The following AP3S1 variants were observed in gnomAD, a reference collection of about 807,000 sequenced individuals.
AP3S1 encodes the protein adaptor related protein complex 3 subunit sigma 1.
In AP3S1, 12 loss-of-function variants were observed where a neutral mutation model predicts 21.3. The observed-to-expected ratio is 0.56, with a 90% CI of 0.36 to 0.91. The LOEUF (loss-of-function observed/expected upper bound fraction) is 0.91. Among genes scored for constraint, AP3S1 ranks in the 40% least tolerant of loss-of-function variants. The probability of loss-of-function intolerance (pLI) is 0.01; values close to 1 mark genes in which losing one functional copy is unlikely to be tolerated. For synonymous variants in AP3S1, 48 were observed against 78.4 expected (o/e 0.61, Z 2.05); for missense variants, 116 against 225.0 (o/e 0.52, Z 3.10).
At chr5:115,877,090 T>C (rs1748787863) in intron 3 of AP3S1, among the ~76,000 whole-genome samples, 1 of 152,194 alleles carries the variant, frequency 6.6e-6, no homozygotes, top group African/African-American at 2.4e-5. Context: ...AAAAGAATTA[T>C]TAATATTTAT....
intron 3 of AP3S1, 48 bp from the exon 4 acceptor site, chr5:115,895,039 T>A: frequency 7.6e-7 from 1 of 1,312,010 alleles, no homozygotes; most frequent in Non-Finnish European, 1.1e-6. Context: ...AGATAATAGT[T>A]TTGAATAAAT....
At chr5:115,876,806 T>A (rs1417510102) in intron 3 of AP3S1, among the ~76,000 whole-genome samples, 1 of 152,172 alleles carries the variant, frequency 6.6e-6, no homozygotes, top group Admixed American at 6.6e-5. Context: ...TCTTAATGAT[T>A]TAGATTGTGC....
chr5:115,884,547 C>T (rs1749608000), intron 3 of AP3S1, among the ~76,000 whole-genome samples: 1 of 152,278 alleles, frequency 6.6e-6, no homozygotes, highest in South Asian at 2.1e-4. Context: ...TGTACTCCAG[C>T]CTGGGTGACA....
Position 115,856,162 on chromosome 5 carries a change from G to A in AP3S1, c.70-10508G>A, listed in dbSNP as rs190853152. 2.5e-3 allele frequency among the ~76,000 whole-genome samples: 380 copies of A among 152,194 alleles called. 3 individuals are homozygous for A. Among genetic ancestry groups the A allele is most frequent in the African/African-American group, 8.6e-3 (359 of 41,526 alleles). On this transcript the variant is annotated intron_variant, in intron 1 of 5. Transcript: ENST00000316788. ...GTGAAACTATAGTGTTAGGAAATCT[G>A]ATCAGCCTGAAGCAAGTTCTAGGCT...
At chr5:115,875,140 TG>T (rs1328106117) in intron 3 of AP3S1, among the ~76,000 whole-genome samples, 3 of 152,106 alleles carry the variant, frequency 2.0e-5, no homozygotes, top group East Asian at 1.9e-4. Context: ...GAAGTAAATA[TG>T]TTTTTTTTTA....
chr5:115,887,174 TG>T (rs1749861696), intron 3 of AP3S1, among the ~76,000 whole-genome samples: 2 of 152,212 alleles, frequency 1.3e-5, no homozygotes. Flanking sequence ...CTAGCTCTGC[TG>T]GTACATTCAA....
Position 115,866,715 on chromosome 5 carries a change from G to C in AP3S1, c.115G>C (p.Val39Leu). Residue 39 changes from valine to leucine, a missense_variant, in exon 2 of 6, where the codon GTA becomes CTA. By Grantham distance (32) the Val-to-Leu change is conservative. Coordinates refer to ENST00000316788, the MANE Select transcript of AP3S1 (RefSeq NM_001284.4). ...AATCATCAGGGAGACTTTCCATTTG[G>C]TATCTAAGAGAGATGAAAATGTTTG... ...QQIIRETFHL[V>L]SKRDENVCNF... 1 of 1,605,068 alleles carries C rather than the reference G, an allele frequency of 6.2e-7. No homozygotes were observed. The highest frequency in any genetic ancestry group is 2.3e-5 in the East Asian group (1 of 44,376).
intron 3 of AP3S1, among the ~76,000 whole-genome samples, chr5:115,888,339 C>T (rs1327358450): frequency 6.6e-6 from 1 of 151,566 alleles, no homozygotes; most frequent in East Asian, 1.9e-4. Flanking sequence ...TCTAATTTTT[C>T]CCCCTTAATT....
In AP3S1 at chr5:115,858,924, A is replaced by T. The variant is rs578229611; in HGVS notation, c.70-7746A>T. On this transcript the variant is annotated intron_variant, in intron 1 of 5. Coordinates refer to ENST00000316788, the MANE Select transcript of AP3S1 (RefSeq NM_001284.4). ...TCCCCTATTTTATGTTTAACTTTTT[A>T]AAAAAATTTATTTATTTTTTATTTT... is the stretch of plus-strand genomic sequence containing the variant. Among the ~76,000 whole-genome samples, 467 of 151,040 alleles carry T rather than the reference A, an allele frequency of 3.1e-3. 3 individuals carry two copies. Among genetic ancestry groups the T allele is most frequent in the African/African-American group, 0.011 (441 of 41,314 alleles).
chr5:115,911,394 C>T (rs1314656442), intron 5 of AP3S1, among the ~76,000 whole-genome samples: 2 of 151,874 alleles, frequency 1.3e-5, no homozygotes, highest in Non-Finnish European at 2.9e-5. Flanking sequence ...ATAATTCACA[C>T]CTTTAAAATA....
At chr5:115,901,920 G>C (rs1328860304) in intron 4 of AP3S1, among the ~76,000 whole-genome samples, 2 of 151,782 alleles carry the variant, frequency 1.3e-5, no homozygotes, top group African/African-American at 2.4e-5. Flanking sequence ...CCTAAAAAGA[G>C]TTTGTTGAAA....
intron 3 of AP3S1, among the ~76,000 whole-genome samples, chr5:115,882,166 G>A (rs1749355593): frequency 6.6e-6 from 1 of 152,088 alleles, no homozygotes; most frequent in Non-Finnish European, 1.5e-5. Context: ...GCTCAGAGGA[G>A]TTTGTTATTA....
At chr5:115,871,069 C>A (rs781162685) in intron 3 of AP3S1, among the ~76,000 whole-genome samples, 5 of 152,164 alleles carry the variant, frequency 3.3e-5, no homozygotes, top group Non-Finnish European at 4.4e-5. Flanking sequence ...ATAATGGATA[C>A]TAAGCATGTC....
intron 1 of AP3S1, among the ~76,000 whole-genome samples, chr5:115,854,827 G>T (rs1183377443): frequency 2.0e-5 from 3 of 151,526 alleles, no homozygotes; most frequent in Non-Finnish European, 4.4e-5. Flanking sequence ...ATTCTTTAAT[G>T]CCCTTCCTCA....
At chr5:115,880,836 CTCTT>C (rs1248586951) in intron 3 of AP3S1, among the ~76,000 whole-genome samples, 2 of 152,056 alleles carry the variant, frequency 1.3e-5, no homozygotes, top group African/African-American at 4.8e-5. Flanking sequence ...GAGTCTGAAT[CTCTT>C]TGTATGTTTC....
intron 4 of AP3S1, among the ~76,000 whole-genome samples, chr5:115,898,269 T>G (rs1260065026): frequency 6.6e-6 from 1 of 152,220 alleles, no homozygotes; most frequent in East Asian, 1.9e-4. Flanking sequence ...CTTTCCAGCC[T>G]CCAATGTAAC....
chr5:115,867,595 T>C (rs1199097147), intron 2 of AP3S1, among the ~76,000 whole-genome samples: 1 of 152,132 alleles, frequency 6.6e-6, no homozygotes, highest in East Asian at 1.9e-4. Flanking sequence ...ACACTTAACT[T>C]GGGTTTCCTG....
intron 5 of AP3S1, among the ~76,000 whole-genome samples, chr5:115,911,362 C>T (rs1052137192): frequency 6.6e-6 from 1 of 151,886 alleles, no homozygotes; most frequent in African/African-American, 2.4e-5. Context: ...CACAATTTCT[C>T]TCACAATAAT....
chr5:115,902,647 A>G (rs1339455082), intron 4 of AP3S1, among the ~76,000 whole-genome samples: 1 of 152,132 alleles, frequency 6.6e-6, no homozygotes, highest in East Asian at 1.9e-4. Context: ...CAACAGTCCT[A>G]TGAAGGTAGT....
Sources: gnomAD v4.1 joint callset for allele counts (sites outside exome capture counted in the v4.1 genomes callset) on GRCh38, gnomAD v4.1.1 for gene constraint, MANE v1.5 for transcripts, NCBI Gene and HGNC (gene_info 2026-07-23, HGNC 2026-07-21) for gene names.